VIPR1: variants seen among roughly 807,000 people sequenced by gnomAD.
VIPR1 encodes the protein vasoactive intestinal peptide receptor 1.
A neutral mutation model predicts 58.8 loss-of-function variants in VIPR1; 59 were observed. The ratio of observed to expected loss-of-function variants is 1.00; its 90% CI spans 0.81 to 1.25. VIPR1 has a LOEUF of 1.25. Among genes scored for constraint, VIPR1 ranks in the 50% most tolerant of loss-of-function variants. VIPR1 has a pLI of 0.00. For missense variants in VIPR1, 626 were observed against 602.7 expected (o/e 1.04, Z -0.40); for synonymous variants, 251 against 242.1 (o/e 1.04, Z -0.34).
chr3:42,511,173 T>C (rs536561957), intron 1 of VIPR1, among the ~76,000 whole-genome samples: 3 of 152,212 alleles, frequency 2.0e-5, no homozygotes, highest in Non-Finnish European at 4.4e-5. Context: ...CAGACAATAT[T>C]AAGAGAACCT....
intron 1 of VIPR1, among the ~76,000 whole-genome samples, chr3:42,490,593 C>T (rs923135558): frequency 3.6e-4 from 55 of 152,304 alleles, no homozygotes; most frequent in African/African-American, 1.3e-3. Flanking sequence ...GGTTGGGAGC[C>T]AGAGGGGAGG....
chr3:42,520,604 G>A (rs1700867179), intron 3 of VIPR1, among the ~76,000 whole-genome samples: 1 of 152,094 alleles, frequency 6.6e-6, no homozygotes. Flanking sequence ...TTAGGGAAGA[G>A]AGTGGGACTG....
At chr3:42,534,804 G>A (rs1287414750) in intron 10 of VIPR1, 171 bp from the exon 11 acceptor site, 4 of 829,340 alleles carry the variant, frequency 4.8e-6, no homozygotes, top group Non-Finnish European at 7.2e-6. Flanking sequence ...CACTGCAGCT[G>A]TGGAACAGGA....
intron 8 of VIPR1, 105 bp downstream of exon 8, chr3:42,531,636 C>T: frequency 6.4e-7 from 1 of 1,563,278 alleles, no homozygotes; most frequent in Non-Finnish European, 8.8e-7. Flanking sequence ...AAAACCACAG[C>T]TCTCGGGCCA....
intron 1 of VIPR1, chr3:42,512,813 A>G (rs1027058485): frequency 1.3e-5 from 13 of 985,350 alleles, no homozygotes; most frequent in Admixed American, 6.1e-5. Flanking sequence ...AAAGCCAAAG[A>G]CGCAGAAGGT....
In VIPR1 at chr3:42,536,509, A is replaced by G. The variant is rs78796092; in HGVS notation, c.*228A>G. 5,062 of 448,070 alleles carry G rather than the reference A, an allele frequency of 0.011. 188 individuals carry two copies. Among genetic ancestry groups the G allele is most frequent in the Admixed American group, 0.086 (1,983 of 23,088 alleles). The allele number at this position is 448,070 out of a possible 1,614,324, so 27.8% of individuals were successfully genotyped here. ...GAGATGGGAGCTCCTCTCCTGGAGGATTGCAGGTGGAACTCAGTCATTAGA... is the reference window on the plus strand; with the variant it reads ...GAGATGGGAGCTCCTCTCCTGGAGGGTTGCAGGTGGAACTCAGTCATTAGA... On this transcript the variant is annotated 3_prime_UTR_variant, in exon 13 of 13. Transcript: ENST00000325123.
At chr3:42,501,540 G>A (rs553258559), upstream of VIPR1, among the ~76,000 whole-genome samples, 10 of 152,362 alleles carry the variant, frequency 6.6e-5, no homozygotes, top group Non-Finnish European at 1.3e-4. This position sits in a 1 kb window ranked among gnomAD's most constrained non-coding sequence, Gnocchi z 4.8. Flanking sequence ...AAGAGGGCTA[G>A]CAGCCACCTG....
At chr3:42,525,339 A>G (rs1180315448) in intron 3 of VIPR1, among the ~76,000 whole-genome samples, 4 of 151,670 alleles carry the variant, frequency 2.6e-5, no homozygotes, top group African/African-American at 9.7e-5. Context: ...ATTCCCCCTC[A>G]CATGCCTTTG....
chr3:42,508,448 G>A (rs1700219011), intron 1 of VIPR1, among the ~76,000 whole-genome samples: 1 of 152,166 alleles, frequency 6.6e-6, no homozygotes, highest in African/African-American at 2.4e-5. Context: ...GCGACGGCGT[G>A]TCACATGCTG....
In VIPR1 at chr3:42,519,287, C is replaced by A. The variant is rs1700791103; in HGVS notation, c.249C>A (p.Val83=). The change falls in exon 3 of 13, where the codon GTC becomes GTA. Residue 83 remains valine, a synonymous_variant. Coordinates refer to ENST00000325123, the MANE Select transcript of VIPR1 (RefSeq NM_004624.4). ...WPATPRGQVV[V]LACPLIFKLF... ...CCACCCCTCGGGGCCAGGTAGTTGT[C>A]TTGGCCTGTCCCCTCATCTTCAAGC... 2.5e-6 allele frequency: 4 copies of A among 1,611,070 alleles called. No homozygotes were observed. Among genetic ancestry groups the A allele is most frequent in the Non-Finnish European group, 2.5e-6 (3 of 1,178,674 alleles).
At chr3:42,512,640 TC>T (rs1477886838) in intron 1 of VIPR1, 1 of 720,348 alleles carries the variant, frequency 1.4e-6, no homozygotes, top group East Asian at 1.3e-4. Context: ...AAGGACCCTG[TC>T]CCAGGGTGGG....
At chr3:42,495,269 C>G (rs1358263701) in intron 1 of VIPR1, among the ~76,000 whole-genome samples, 1 of 150,956 alleles carries the variant, frequency 6.6e-6, no homozygotes, top group Non-Finnish European at 1.5e-5. Context: ...CTATAGGCGC[C>G]CACCACCACT....
intron 2 of VIPR1, among the ~76,000 whole-genome samples, chr3:42,514,365 G>A (rs1049310058): frequency 6.6e-6 from 1 of 152,020 alleles, no homozygotes; most frequent in Non-Finnish European, 1.5e-5. Flanking sequence ...CCCCCACAGG[G>A]ACCACATGGA....
intron 2 of VIPR1, among the ~76,000 whole-genome samples, chr3:42,518,171 A>T (rs948129434): frequency 2.0e-5 from 3 of 152,142 alleles, no homozygotes; most frequent in African/African-American, 7.2e-5. Context: ...TACCATGTAC[A>T]TATTCAAGCA....
At chr3:42,505,882 A>C (rs575210592) in intron 1 of VIPR1, among the ~76,000 whole-genome samples, 1 of 152,302 alleles carries the variant, frequency 6.6e-6, no homozygotes, top group African/African-American at 2.4e-5. Flanking sequence ...GTTAGGCTGG[A>C]GCCAACTCTG....
In VIPR1 at chr3:42,536,318, G is replaced by T. The variant is rs759443814; in HGVS notation, c.*37G>T. ...CCAGGGGCCCAAGGCGGCCCCTCCC[G>T]CCCCTTCCCACTCACCCCGGCAGAC... On this transcript the variant is annotated 3_prime_UTR_variant, in exon 13 of 13. Coordinates refer to ENST00000325123, the MANE Select transcript of VIPR1 (RefSeq NM_004624.4). 1.2e-5 allele frequency: 18 copies of T among 1,486,562 alleles called. No homozygotes were observed. The highest frequency in any genetic ancestry group is 1.5e-5 in the Non-Finnish European group (17 of 1,122,720). 92.1% of individuals were successfully genotyped at this position (1,486,562 alleles called of 1,614,324 possible). A position where few individuals can be genotyped will look rare whatever the true frequency, so the allele number is the denominator to read the frequency against.
At chr3:42,525,687 G>A (rs1701193064) in intron 3 of VIPR1, among the ~76,000 whole-genome samples, 200 bp from the exon 4 acceptor site, 1 of 152,208 alleles carries the variant, frequency 6.6e-6, no homozygotes, top group Non-Finnish European at 1.5e-5. Context: ...TCTATCATCG[G>A]TGCGGGAGCC....
chr3:42,492,738 T>C (rs1699688833), intron 1 of VIPR1, among the ~76,000 whole-genome samples: 1 of 152,162 alleles, frequency 6.6e-6, no homozygotes, highest in South Asian at 2.1e-4. Context: ...GGGAAGGACT[T>C]CCCTGGGATT....
chr3:42,513,942 G>C (rs541629296), intron 2 of VIPR1, 88 bp downstream of exon 2: 5 of 1,406,204 alleles, frequency 3.6e-6, no homozygotes, highest in Non-Finnish European at 4.9e-6. Flanking sequence ...AGTCACGTTC[G>C]TTCCACATTT....
Sources: allele counts gnomAD v4.1 joint callset (sites outside exome capture counted in the v4.1 genomes callset), GRCh38; gene constraint gnomAD v4.1.1; non-coding constraint Gnocchi (gnomAD v3.1); transcripts MANE v1.5; gene names NCBI Gene and HGNC (gene_info 2026-07-23, HGNC 2026-07-21).